STK31: variants seen among roughly 807,000 people sequenced by gnomAD.
The protein encoded by STK31 is serine/threonine-protein kinase 31.
STK31 carries 89 observed loss-of-function variants against 129.7 expected under a neutral mutation model. The observed-to-expected ratio is 0.69, with a 90% CI of 0.58 to 0.82. STK31 has a LOEUF of 0.82. STK31 is among the 40% of genes least tolerant of loss of function. The probability of loss-of-function intolerance (pLI) is 0.00; values close to 1 mark genes in which losing one functional copy is unlikely to be tolerated. For synonymous variants in STK31, 448 were observed against 395.3 expected (o/e 1.13, Z -1.58); for missense variants, 1,187 against 1,176.4 (o/e 1.01, Z -0.13).
At chr7:23,721,336 C>G in intron 4 of STK31, 1 of 722,156 alleles carries the variant, frequency 1.4e-6, no homozygotes, top group Non-Finnish European at 2.4e-6. Flanking sequence ...GTCAAGTAAG[C>G]TTTTAAAGAT....
intron 23 of STK31, among the ~76,000 whole-genome samples, chr7:23,829,408 C>A (rs1375815719): frequency 3.3e-5 from 5 of 152,104 alleles, no homozygotes; most frequent in African/African-American, 7.2e-5. Flanking sequence ...GCTCTTTGTT[C>A]AGTTGATGTG....
At chr7:23,763,210 A>G (rs756322060) in intron 11 of STK31, among the ~76,000 whole-genome samples, 4 of 152,164 alleles carry the variant, frequency 2.6e-5, no homozygotes, top group Non-Finnish European at 4.4e-5. Context: ...GTGGGTCCCT[A>G]TCGTCCATTG....
At chr7:23,828,684 C>T (rs906823176) in intron 23 of STK31, among the ~76,000 whole-genome samples, 1 of 152,218 alleles carries the variant, frequency 6.6e-6, no homozygotes. Flanking sequence ...TTCTGCGTCG[C>T]TCACGCTGGG....
At chr7:23,825,495 C>T (rs1794086493) in intron 23 of STK31, among the ~76,000 whole-genome samples, 1 of 151,990 alleles carries the variant, frequency 6.6e-6, no homozygotes, top group Non-Finnish European at 1.5e-5. Context: ...CTCTTTTCTT[C>T]TTTATTAGTC....
Position 23,815,184 on chromosome 7 carries a change from GA to G in STK31, c.2803del (p.Ile935SerfsTer20). 1 of 1,598,060 alleles carries G rather than the reference GA, an allele frequency of 6.3e-7. No individual in the cohort carries two copies. The highest frequency in any genetic ancestry group is 8.5e-7 in the Non-Finnish European group (1 of 1,172,972). The stretch of plus-strand genomic sequence containing the variant: ...CAGGAGTTTGAGATAAATAAAGATG[GA>G]ATCCCCAAAGTGGATCAGTTTCATC... ...QNQEFEINKD[G>X]IPKVDQFHLD... is the part of the protein sequence containing the mutation. On this transcript the variant is annotated frameshift_variant, in exon 23 of 24. Coordinates refer to ENST00000355870, the MANE Select transcript of STK31 (RefSeq NM_031414.5). LOFTEE classifies it high-confidence loss of function.
At chr7:23,748,818 C>A (rs181750916) in intron 8 of STK31, among the ~76,000 whole-genome samples, 7 of 152,290 alleles carry the variant, frequency 4.6e-5, no homozygotes, top group Non-Finnish European at 5.9e-5. Context: ...AGCTTCTGGT[C>A]AACAGTAGGC....
At chr7:23,735,928 G>A in intron 7 of STK31, 32 bp downstream of exon 7, 1 of 1,485,464 alleles carries the variant, frequency 6.7e-7, no homozygotes, top group Non-Finnish European at 9.1e-7. Context: ...ATTTCTAATT[G>A]ATGGTAGAGG....
intron 23 of STK31, among the ~76,000 whole-genome samples, chr7:23,817,766 T>C (rs895283969): frequency 2.2e-4 from 33 of 152,242 alleles, no homozygotes; most frequent in African/African-American, 7.7e-4. Context: ...ATTTAAGTTA[T>C]CTAGCTTGTT....
intron 4 of STK31, among the ~76,000 whole-genome samples, chr7:23,719,348 C>T (rs956823516): frequency 5.3e-5 from 8 of 151,960 alleles, no homozygotes; most frequent in Non-Finnish European, 1.2e-4. Context: ...AATATATCCT[C>T]AACAAAAACT....
At chr7:23,808,015 A>G (rs1203557162) in intron 22 of STK31, among the ~76,000 whole-genome samples, 1 of 150,352 alleles carries the variant, frequency 6.7e-6, no homozygotes, top group African/African-American at 2.4e-5. Flanking sequence ...TAATCACAAC[A>G]TCTGTTCTAT....
chr7:23,798,294 C>CAA (rs1304550058), intron 22 of STK31, among the ~76,000 whole-genome samples: 1 of 151,792 alleles, frequency 6.6e-6, no homozygotes, highest in African/African-American at 2.4e-5. Flanking sequence ...AGAGACACAA[C>CAA]AAAAAAAGAA....
intron 16 of STK31, 22 bp downstream of exon 16, chr7:23,781,542 G>A (rs892637633): frequency 1.3e-6 from 2 of 1,540,628 alleles, no homozygotes; most frequent in South Asian, 2.3e-5. Context: ...GTTCTTTGAA[G>A]TTTTACATTA....
At chr7:23,769,910 A>G (rs187472318) in intron 13 of STK31, among the ~76,000 whole-genome samples, 154 bp downstream of exon 13, 2 of 152,194 alleles carry the variant, frequency 1.3e-5, no homozygotes, top group African/African-American at 4.8e-5. Context: ...TTGAAAGAGT[A>G]ACAATGTCTA....
intron 11 of STK31, among the ~76,000 whole-genome samples, chr7:23,763,816 CA>C (rs776016468): frequency 2.0e-5 from 3 of 151,362 alleles, no homozygotes; most frequent in East Asian, 3.9e-4. Context: ...GTTTTCATTT[CA>C]TTTTCAAGTG....
intron 20 of STK31, 150 bp downstream of exon 20, chr7:23,787,074 C>G (rs1306932476): frequency 1.4e-6 from 1 of 708,084 alleles, no homozygotes; most frequent in East Asian, 2.8e-5. Context: ...TAGAAGTTAT[C>G]GTGTTATATA....
In STK31 at chr7:23,769,190, G is replaced by A; in HGVS notation, c.1596+16G>A. 1 of 1,521,236 alleles carries A rather than the reference G, an allele frequency of 6.6e-7. No homozygotes were observed. Among genetic ancestry groups the A allele is most frequent in the Non-Finnish European group, 8.8e-7 (1 of 1,139,278 alleles). 94.2% of individuals were successfully genotyped at this position (1,521,236 alleles called of 1,614,324 possible). On this transcript the variant is annotated intron_variant, in intron 12 of 23. Transcript: ENST00000355870. ...AACCTTAAAGGTAATAAAAGCTCCT[G>A]CCCGGTTGTGTTTGTAGCATAAACC...
At chr7:23,742,855 A>G (rs919207763) in intron 8 of STK31, among the ~76,000 whole-genome samples, 5 of 148,434 alleles carry the variant, frequency 3.4e-5, no homozygotes, top group East Asian at 2.0e-4. Flanking sequence ...TCTCTCACTC[A>G]TTGTTTATCA....
In STK31 at chr7:23,727,335, G is replaced by GA; in HGVS notation, c.324+20_324+21insA. 6.3e-7 allele frequency: 1 copy of GA among 1,583,450 alleles called. No individual in the cohort carries two copies. Reference sequence around the variant, plus strand: ...GAAAAGGCAGGAAATTAAGTGTTCAGTTTTTTTTTGCTTTAAGAAATATTT... The same window carrying GA: ...GAAAAGGCAGGAAATTAAGTGTTCAGATTTTTTTTTGCTTTAAGAAATATTT... On this transcript the variant is annotated intron_variant, in intron 5 of 23. Transcript: ENST00000355870.
At chr7:23,786,117 G>A (rs1274330415) in intron 18 of STK31, among the ~76,000 whole-genome samples, 1 of 150,088 alleles carries the variant, frequency 6.7e-6, no homozygotes, top group Non-Finnish European at 1.5e-5. Context: ...TTTTTTTTTG[G>A]GTGAACTTAT....
Sources: allele counts gnomAD v4.1 joint callset (sites outside exome capture counted in the v4.1 genomes callset), GRCh38; gene constraint gnomAD v4.1.1; transcripts MANE v1.5; gene names NCBI Gene and HGNC (gene_info 2026-07-23, HGNC 2026-07-21).